SLC30A7: variants seen among roughly 807,000 people sequenced by gnomAD.
SLC30A7 encodes the protein solute carrier family 30 member 7, also known as zinc transporter 7.
Under a neutral mutation model 46.0 loss-of-function variants are expected in SLC30A7, and 35 were observed. That is an observed-to-expected ratio of 0.76 (90% CI 0.58 to 1.01). The LOEUF (loss-of-function observed/expected upper bound fraction) is 1.01. SLC30A7 is among the 50% of genes least tolerant of loss of function. The probability of loss-of-function intolerance (pLI) is 0.00; values close to 1 mark genes in which losing one functional copy is unlikely to be tolerated. For synonymous variants in SLC30A7, 147 were observed against 157.8 expected (o/e 0.93, Z 0.51); for missense variants, 464 against 451.1 (o/e 1.03, Z -0.26).
the SLC30A7 span, among the ~76,000 whole-genome samples, chr1:100,993,809 T>C: frequency 3.3e-5 from 5 of 151,592 alleles, no homozygotes; most frequent in East Asian, 1.9e-4. Context: ...TGGCGTGATA[T>C]TGGTTCACTG....
At chr1:100,916,250 G>C (rs949240004) in intron 6 of SLC30A7, among the ~76,000 whole-genome samples, 1 of 151,848 alleles carries the variant, frequency 6.6e-6, no homozygotes, top group Admixed American at 6.6e-5. Context: ...TCAGTGGTGC[G>C]ATATCGGCTC....
intron 2 of SLC30A7, among the ~76,000 whole-genome samples, chr1:100,904,424 C>T (rs568898318): frequency 1.1e-4 from 16 of 152,150 alleles, no homozygotes; most frequent in African/African-American, 3.6e-4. Flanking sequence ...ATTTTTTTGT[C>T]CACTTTTTCC....
At position 100,980,811 on chromosome 1, in the gene SLC30A7, T is replaced by C. The variant is rs1357687802; in HGVS notation, c.*5954T>C. ...CCTGGGTCACTTGAATTTTCTATAT[T>C]TTGTATGGCCAAATCAGGAACCAGA... On this transcript the variant is annotated 3_prime_UTR_variant, in exon 11 of 11. Transcript: ENST00000357650. 1.3e-5 allele frequency: 2 copies of C among 152,072 alleles called. No individual in the cohort carries two copies. The highest frequency in any genetic ancestry group is 4.1e-4 in the South Asian group (2 of 4,828). 9.4% of individuals were successfully genotyped at this position (152,072 alleles called of 1,614,324 possible).
chr1:100,972,305 TA>T, intron 10 of SLC30A7: 1 of 355,766 alleles, frequency 2.8e-6, no homozygotes, highest in Non-Finnish European at 5.9e-6. Flanking sequence ...TGAGAATCTG[TA>T]AAACTTGAAG....
intron 8 of SLC30A7, among the ~76,000 whole-genome samples, chr1:100,946,175 G>A (rs1054915378): frequency 5.9e-5 from 9 of 151,818 alleles, no homozygotes; most frequent in Non-Finnish European, 1.0e-4. Context: ...TCAGCTTAAG[G>A]AGATTTTGGG....
At chr1:100,903,039 T>A (rs1344393981) in intron 2 of SLC30A7, among the ~76,000 whole-genome samples, 1 of 152,088 alleles carries the variant, frequency 6.6e-6, no homozygotes, top group African/African-American at 2.4e-5. Flanking sequence ...TACAGTAATT[T>A]AAAATAAAAG....
Position 100,975,235 on chromosome 1 carries a change from T to C in SLC30A7, c.*378T>C, listed in dbSNP as rs560951305. On this transcript the variant is annotated 3_prime_UTR_variant, in exon 11 of 11. Coordinates refer to ENST00000357650, the MANE Select transcript of SLC30A7 (RefSeq NM_133496.5). The stretch of plus-strand genomic sequence containing the variant: ...TCATCCCAGCCAGTAAGAATTTCAG[T>C]TGTGGGCCTCCAGTCTTCTGGAATG... The C allele has an allele frequency of 1.2e-5, 2 of 163,380 alleles. No individual in the cohort carries two copies. Among genetic ancestry groups the C allele is most frequent in the African/African-American group, 4.8e-5 (2 of 42,068 alleles). 10.1% of individuals were successfully genotyped at this position (163,380 alleles called of 1,614,324 possible). A position where few individuals can be genotyped will look rare whatever the true frequency, so the allele number is the denominator to read the frequency against.
chr1:100,972,022 A>G (rs1409420601), intron 10 of SLC30A7, among the ~76,000 whole-genome samples: 1 of 152,130 alleles, frequency 6.6e-6, no homozygotes, highest in East Asian at 1.9e-4. Context: ...TGTTGACTGG[A>G]GTATGGTTTG....
Position 100,965,869 on chromosome 1 carries a change from A to T in SLC30A7, c.1034A>T (p.Asp345Val), listed in dbSNP as rs375117246. Residue 345 changes from aspartate (D) to valine (V), a missense_variant, in exon 10 of 11, where the codon GAT becomes GTT. Transcript: ENST00000357650. Reference protein sequence around the residue: ...VGTLKLIVAPDADARWILSQT... With the variant: ...VGTLKLIVAPVADARWILSQT... The stretch of plus-strand genomic sequence containing the variant: ...ACCTTGAAATTAATAGTAGCACCTG[A>T]TGCTGATGCTAGGTGGATTTTAAGC... 4 of 1,613,682 alleles carry T rather than the reference A, an allele frequency of 2.5e-6. No homozygotes were observed.
chr1:100,921,804 A>G lies in SLC30A7; in HGVS notation c.805A>G (p.Ile269Val). 1.2e-6 allele frequency: 2 copies of G among 1,613,222 alleles called. No homozygotes were observed. Among genetic ancestry groups the G allele is most frequent in the South Asian group, 2.2e-5 (2 of 91,066 alleles). ...TTTTGGTCTGATGATAGCAGATCCT[A>G]TCTGTTCAATTCTTATAGCCATTCT... Reference protein sequence around the residue: ...QNFGLMIADPICSILIAILIV... With the variant: ...QNFGLMIADPVCSILIAILIV... Residue 269 changes from isoleucine (I) to valine (V), a missense_variant, in exon 8 of 11, where the codon ATC (isoleucine) becomes GTC (valine). Coordinates refer to ENST00000357650, the MANE Select transcript of SLC30A7 (RefSeq NM_133496.5).
At chr1:100,939,387 CTGAA>C (rs953740441) in intron 8 of SLC30A7, among the ~76,000 whole-genome samples, 4 of 151,994 alleles carry the variant, frequency 2.6e-5, no homozygotes, top group Non-Finnish European at 4.4e-5. Context: ...CAAATTCCAA[CTGAA>C]TGATGTAATT....
intron 10 of SLC30A7, among the ~76,000 whole-genome samples, chr1:100,966,574 A>G (rs909108829): frequency 3.9e-5 from 6 of 152,166 alleles, no homozygotes; most frequent in African/African-American, 1.4e-4. Flanking sequence ...CGACAGAGCA[A>G]GACTCGGTCT....
intron 10 of SLC30A7, chr1:100,972,212 T>TA (rs993189877): frequency 4.3e-5 from 11 of 254,666 alleles, no homozygotes; most frequent in African/African-American, 2.6e-4. Flanking sequence ...GTAGAAAACT[T>TA]AGTTTGCATT....
intron 2 of SLC30A7, among the ~76,000 whole-genome samples, chr1:100,904,357 T>G (rs1187526453): frequency 6.6e-6 from 1 of 152,174 alleles, no homozygotes; most frequent in African/African-American, 2.4e-5. Context: ...TTCTAGTATT[T>G]CCATTTGATT....
chr1:100,966,008 A>G, intron 10 of SLC30A7, 90 bp downstream of exon 10: 1 of 1,162,804 alleles, frequency 8.6e-7, no homozygotes, highest in East Asian at 2.4e-5. Context: ...ATGTGAGAGG[A>G]TGGCTTGAGG....
chr1:100,926,011 T>C (rs544903590), intron 8 of SLC30A7, among the ~76,000 whole-genome samples: 1 of 152,150 alleles, frequency 6.6e-6, no homozygotes. Flanking sequence ...TAAAACTGAT[T>C]TAGCGTCAGG....
the SLC30A7 span, among the ~76,000 whole-genome samples, chr1:100,991,228 T>C: frequency 3.9e-5 from 6 of 152,240 alleles, no homozygotes; most frequent in Non-Finnish European, 7.3e-5. Flanking sequence ...TTTATGTTTT[T>C]CAGTTAAAAA....
At position 100,896,360 on chromosome 1, in the gene SLC30A7, T is replaced by A; in HGVS notation, c.80+18T>A. 2 of 1,613,800 alleles carry A rather than the reference T, an allele frequency of 1.2e-6. No homozygotes were observed. The highest frequency in any genetic ancestry group is 8.5e-7 in the Non-Finnish European group (1 of 1,179,770). ...TGGTTTAGGTGCGGGGTGCTGTGTT[T>A]GCGGGGAGGGGGTGTCCGGCAGAAA... On this transcript the variant is annotated intron_variant, in intron 1 of 10. Transcript: ENST00000357650.
intron 3 of SLC30A7, among the ~76,000 whole-genome samples, chr1:100,910,397 A>G (rs1652007166): frequency 6.6e-6 from 1 of 152,160 alleles, no homozygotes. Flanking sequence ...TCAGAACTCA[A>G]TGGAACAAAA....
Sources: gnomAD v4.1 joint callset for allele counts (sites outside exome capture counted in the v4.1 genomes callset) on GRCh38, gnomAD v4.1.1 for gene constraint, MANE v1.5 for transcripts, NCBI Gene and HGNC (gene_info 2026-07-23, HGNC 2026-07-21) for gene names.